Variants in RBMS2 observed in about 807,000 individuals in gnomAD.
RBMS2 encodes RNA-binding motif, single-stranded-interacting protein 2.
Under a neutral mutation model 58.4 loss-of-function variants are expected in RBMS2, and 38 were observed. That is an observed-to-expected ratio of 0.65 (90% CI 0.50 to 0.85). RBMS2 has a LOEUF of 0.85. RBMS2 is among the 40% of genes least tolerant of loss of function. The pLI, the probability that RBMS2 is intolerant of heterozygous loss-of-function variation, is 0.00. For synonymous variants in RBMS2, 151 were observed against 180.7 expected (o/e 0.84, Z 1.32); for missense variants, 367 against 503.7 (o/e 0.73, Z 2.60).
Position 56,594,515 on chromosome 12 carries a change from C to G in RBMS2, c.*5382C>G, listed in dbSNP as rs556183810. On this transcript the variant is annotated 3_prime_UTR_variant, in exon 14 of 14. Transcript: ENST00000262031. ...AATCCTTCCTGATTCCCGTTTAAACCAACTACTCTATTTCTGTGCTGCCTA... is the reference window on the plus strand; with the variant it reads ...AATCCTTCCTGATTCCCGTTTAAACGAACTACTCTATTTCTGTGCTGCCTA... 15 of 152,282 alleles carry G rather than the reference C, an allele frequency of 9.9e-5. No individual in the cohort carries two copies. In the East Asian group the frequency reaches 2.9e-3, roughly 29 times the overall value. The allele number at this position is 152,282 out of a possible 1,614,324, so 9.4% of individuals were successfully genotyped here.
chr12:56,546,429 G>T, intron 1 of RBMS2, among the ~76,000 whole-genome samples: 1 of 143,520 alleles, frequency 7.0e-6, no homozygotes. Flanking sequence ...AAAATATAAT[G>T]TATAATATAA....
intron 1 of RBMS2, among the ~76,000 whole-genome samples, chr12:56,523,060 C>A (rs1307028752): frequency 1.3e-5 from 2 of 152,240 alleles, no homozygotes; most frequent in African/African-American, 2.4e-5. Context: ...CTAATGAGAC[C>A]ATTAGAGGTG....
At chr12:56,578,807 A>G (rs1303817492) in intron 5 of RBMS2, among the ~76,000 whole-genome samples, 1 of 152,046 alleles carries the variant, frequency 6.6e-6, no homozygotes, top group Non-Finnish European at 1.5e-5. Context: ...TCTACTGAAA[A>G]TACAGCAATT....
intron 5 of RBMS2, among the ~76,000 whole-genome samples, chr12:56,576,988 C>T (rs546073727): frequency 7.7e-5 from 11 of 143,640 alleles, no homozygotes; most frequent in African/African-American, 2.4e-4. Context: ...TTGCAGTGAG[C>T]TGAGATCACA....
Position 56,538,726 on chromosome 12 carries a change from C to T in RBMS2, c.66+16637C>T, listed in dbSNP as rs754577250. Among the ~76,000 whole-genome samples, 43 of 152,084 alleles carry T rather than the reference C, an allele frequency of 2.8e-4. No individual in the cohort carries two copies. In the Middle Eastern group the frequency reaches 0.01, roughly 36 times the overall value. On this transcript the variant is annotated intron_variant, in intron 1 of 13. Transcript: ENST00000262031. ...TGAACTCCTGACCTCGTGATCCACC[C>T]GCCTTGGCCTCCCAAAGTGCTGGGA...
intron 9 of RBMS2, among the ~76,000 whole-genome samples, chr12:56,582,647 C>T (rs958663191): frequency 2.0e-5 from 3 of 152,096 alleles, no homozygotes; most frequent in African/African-American, 7.2e-5. Flanking sequence ...GAGGATGGGG[C>T]CCAGTGATCT....
intron 1 of RBMS2, among the ~76,000 whole-genome samples, chr12:56,526,832 G>A (rs1372246066): frequency 6.6e-6 from 1 of 151,888 alleles, no homozygotes; most frequent in East Asian, 1.9e-4. Context: ...GCCTAACCAC[G>A]CCTTTCTTGA....
intron 12 of RBMS2, 191 bp from the exon 13 acceptor site, chr12:56,588,741 C>T (rs536079548): frequency 3.7e-5 from 23 of 625,718 alleles, no homozygotes; most frequent in East Asian, 2.2e-4. Flanking sequence ...TTGACTAATG[C>T]GTCTTGGGAA....
At chr12:56,562,059 C>T (rs556400912) in intron 1 of RBMS2, among the ~76,000 whole-genome samples, 7 of 151,246 alleles carry the variant, frequency 4.6e-5, no homozygotes, top group South Asian at 2.1e-4. Context: ...CCGCCTGCCT[C>T]GGCCTCCCAA....
In RBMS2 at chr12:56,590,522, C is replaced by T. The variant is rs2136626891; in HGVS notation, c.*1389C>T. 2 of 152,358 alleles carry T rather than the reference C, an allele frequency of 1.3e-5. 1 individual carries two copies. The highest frequency in any genetic ancestry group is 6.8e-3 in the Middle Eastern group (2 of 294). 9.4% of individuals were successfully genotyped at this position (152,358 alleles called of 1,614,324 possible). A position where few individuals can be genotyped will look rare whatever the true frequency, so the allele number is the denominator to read the frequency against. The stretch of plus-strand genomic sequence containing the variant: ...ACTCCAGGGGTCAATATTGCCAAGA[C>T]TGGGAAACACTGATATAGACAGTGT... On this transcript the variant is annotated 3_prime_UTR_variant, in exon 14 of 14. Coordinates refer to ENST00000262031, the MANE Select transcript of RBMS2 (RefSeq NM_002898.4).
intron 1 of RBMS2, among the ~76,000 whole-genome samples, chr12:56,555,440 CAAA>C (rs771583124): frequency 1.1e-4 from 10 of 87,076 alleles, no homozygotes; most frequent in Non-Finnish European, 1.3e-4. Context: ...AACTTGGTCT[CAAA>C]AAAAAAAAAA....
intron 1 of RBMS2, among the ~76,000 whole-genome samples, chr12:56,546,487 A>G (rs1877270179): frequency 1.0e-5 from 1 of 99,422 alleles, no homozygotes; most frequent in African/African-American, 2.6e-5. Flanking sequence ...TATTTTATAT[A>G]CAAAAAATAT....
rs560519853 is a variant in RBMS2, at chr12:56,581,662, C to T, written c.732+154C>T. ...TGTGAACATACTGCCAGTTTGTTCT[C>T]GAGTGTGGCTTTGCGGCCTGCACAA... On this transcript the variant is annotated intron_variant, in intron 7 of 13. Transcript: ENST00000262031. The T allele has an allele frequency of 5.5e-5, 62 of 1,123,630 alleles. 2 individuals carry two copies. In the South Asian group the frequency reaches 5.8e-4, roughly 10 times the overall value. The allele number at this position is 1,123,630 out of a possible 1,614,324, so 69.6% of individuals were successfully genotyped here. A position where few individuals can be genotyped will look rare whatever the true frequency, so the allele number is the denominator to read the frequency against.
intron 13 of RBMS2, 31 bp downstream of exon 13, chr12:56,589,049 G>A (rs894857333): frequency 1.2e-6 from 2 of 1,613,878 alleles, no homozygotes; most frequent in Non-Finnish European, 1.7e-6. Flanking sequence ...GGCAGGGAGG[G>A]CTGCACTGGC....
At chr12:56,523,534 C>T (rs1396668870) in intron 1 of RBMS2, among the ~76,000 whole-genome samples, 6 of 152,194 alleles carry the variant, frequency 3.9e-5, no homozygotes, top group East Asian at 1.9e-4. Flanking sequence ...AATCCCAGCA[C>T]TTGGGAGGCC....
chr12:56,526,992 G>A (rs1872764283), intron 1 of RBMS2, among the ~76,000 whole-genome samples: 1 of 152,120 alleles, frequency 6.6e-6, no homozygotes, highest in South Asian at 2.1e-4. Context: ...TCTTCTCAAT[G>A]TTAATATATT....
intron 1 of RBMS2, among the ~76,000 whole-genome samples, chr12:56,539,107 C>T (rs1406333545): frequency 6.6e-6 from 1 of 152,008 alleles, no homozygotes; most frequent in African/African-American, 2.4e-5. Flanking sequence ...CCTCCGCCTC[C>T]CAGGTTCAAA....
At chr12:56,559,634 G>A (rs552659145) in intron 1 of RBMS2, among the ~76,000 whole-genome samples, 20 of 149,742 alleles carry the variant, frequency 1.3e-4, no homozygotes, top group East Asian at 1.1e-3. Flanking sequence ...GGCGGATCAC[G>A]AGGTCAGGAG....
chr12:56,549,852 A>G (rs143401286), intron 1 of RBMS2, among the ~76,000 whole-genome samples: 1,885 of 152,028 alleles, frequency 0.012, 18 homozygotes, highest in Middle Eastern at 0.024. Context: ...ACATGGAGAA[A>G]CCCCGTCTCT....
Sources: allele counts gnomAD v4.1 joint callset (sites outside exome capture counted in the v4.1 genomes callset), GRCh38; gene constraint gnomAD v4.1.1; transcripts MANE v1.5; gene names NCBI Gene and HGNC (gene_info 2026-07-23, HGNC 2026-07-21).